Variants in MCPH1 observed in about 807,000 individuals in gnomAD.
The protein encoded by MCPH1 is microcephalin 1.
MCPH1 carries 104 observed loss-of-function variants against 84.5 expected under a neutral mutation model. The observed-to-expected ratio is 1.23, with a 90% confidence interval of 1.05 to 1.45. MCPH1 has a LOEUF of 1.45. Ranked by LOEUF, MCPH1 falls within the 40% of genes most tolerant of loss-of-function variation. The probability of loss-of-function intolerance (pLI) is 0.00; values close to 1 mark genes in which losing one functional copy is unlikely to be tolerated. For missense variants in MCPH1, 1,498 were observed against 1,005.7 expected (o/e 1.49, Z -6.62); for synonymous variants, 514 against 366.8 (o/e 1.40, Z -4.58).
chr8:6,540,006 T>C (rs1342909989), intron 12 of MCPH1, among the ~76,000 whole-genome samples: 1 of 152,140 alleles, frequency 6.6e-6, no homozygotes, highest in Non-Finnish European at 1.5e-5. Context: ...CCAAGATGTA[T>C]TAGGAAATAA....
At position 6,505,348 on chromosome 8, in the gene MCPH1, ATTC is replaced by A. The variant is rs1447495520; in HGVS notation, c.2214+5422_2214+5424del. Among the ~76,000 whole-genome samples, 19 of 50,202 alleles carry A rather than the reference ATTC, an allele frequency of 3.8e-4. 3 individuals are homozygous for A. The highest frequency in any genetic ancestry group is 3.6e-3 in the Admixed American group (19 of 5,334). 32.9% of individuals were successfully genotyped at this position (50,202 alleles called of 152,430 possible). A position where few individuals can be genotyped will look rare whatever the true frequency, so the allele number is the denominator to read the frequency against. On this transcript the variant is annotated intron_variant, in intron 12 of 13. Transcript: ENST00000344683. ...ATATACATATAGAAAGAATATATAT[ATTC>A]TTTCTATATGTATATAGAATATATA...
chr8:6,599,164 G>A (rs1243599010), intron 12 of MCPH1, among the ~76,000 whole-genome samples: 1 of 152,186 alleles, frequency 6.6e-6, no homozygotes, highest in Non-Finnish European at 1.5e-5. Flanking sequence ...CCTAATCTCA[G>A]TATCTTAAAA....
intron 12 of MCPH1, chr8:6,509,042 G>T: frequency 6.2e-7 from 1 of 1,614,060 alleles, no homozygotes; most frequent in South Asian, 1.1e-5. Context: ...GGCTGTCCCT[G>T]TAAGTCCTTT....
chr8:6,481,437 G>A lies in MCPH1; in HGVS notation c.2136+561G>A, dbSNP rs1809229532. Among the ~76,000 whole-genome samples, 3 of 152,164 alleles carry A rather than the reference G, an allele frequency of 2.0e-5. No homozygotes were observed. The South Asian group carries it at 6.2e-4, about 32-fold the overall frequency. ...TTTCGTTATTCATAAAAACTGAAAT[G>A]AACTGTTATTGGTTCTATTATTACT... is the stretch of plus-strand genomic sequence containing the variant. On this transcript the variant is annotated intron_variant, in intron 11 of 13. Transcript: ENST00000344683.
chr8:6,447,520 G>A (rs1463442581), intron 8 of MCPH1: 1 of 686,006 alleles, frequency 1.5e-6, no homozygotes, highest in Non-Finnish European at 1.8e-6. Flanking sequence ...CGGGAACTGA[G>A]CGAGAAACAA....
At position 6,414,860 on chromosome 8, in the gene MCPH1, C is replaced by A; in HGVS notation, c.210C>A (p.Leu70=). The A allele has an allele frequency of 6.2e-7, 1 of 1,613,498 alleles. No individual in the cohort carries two copies. Among genetic ancestry groups the A allele is most frequent in the South Asian group, 1.1e-5 (1 of 91,008 alleles). ...AAGCTCAGAAGAGAGGCGTAAAGCT[C>A]GTTTCGGTGCTCTGGGTGGAAAAGT... is the stretch of plus-strand genomic sequence containing the variant. ...WDKAQKRGVK[L]VSVLWVEKCR... The change falls in exon 3 of 14, where the codon CTC becomes CTA. Residue 70 remains leucine (L), a synonymous_variant. Transcript: ENST00000344683.
chr8:6,524,194 A>C (rs1456919361), intron 12 of MCPH1, among the ~76,000 whole-genome samples: 1 of 152,196 alleles, frequency 6.6e-6, no homozygotes, highest in Admixed American at 6.5e-5. Flanking sequence ...GGGACCTCAT[A>C]TTCCCTTTTT....
At chr8:6,478,799 A>G (rs17077083) in intron 10 of MCPH1, among the ~76,000 whole-genome samples, 19,927 of 152,042 alleles carry the variant, frequency 0.13, 1,409 homozygotes, top group Middle Eastern at 0.24. Flanking sequence ...ATTTTTCTTG[A>G]CTCAAGCACA....
rs145341149 is a variant in MCPH1 at position 6,523,089 on chromosome 8, C to T, written c.2214+23160C>T. ...CTTGGCTCACTGCAACCTTCACCTCCCAGGTTCAAGCTATTCTCCTGCCTC... is the reference window on the plus strand; with the variant it reads ...CTTGGCTCACTGCAACCTTCACCTCTCAGGTTCAAGCTATTCTCCTGCCTC... On this transcript the variant is annotated intron_variant, in intron 12 of 13. Coordinates refer to ENST00000344683, the MANE Select transcript of MCPH1 (RefSeq NM_024596.5). 7.3e-3 allele frequency among the ~76,000 whole-genome samples: 1,106 copies of T among 152,094 alleles called. 23 individuals carry two copies. The highest frequency in any genetic ancestry group is 0.025 in the African/African-American group (1,056 of 41,494).
intron 4 of MCPH1, among the ~76,000 whole-genome samples, 189 bp downstream of exon 4, chr8:6,431,775 G>A (rs552320866): frequency 6.6e-6 from 1 of 152,028 alleles, no homozygotes; most frequent in Admixed American, 6.6e-5. Flanking sequence ...TGACTTCTTC[G>A]ATAGCATTTG....
chr8:6,493,311 G>C (rs1203944265), intron 11 of MCPH1, among the ~76,000 whole-genome samples: 1 of 152,180 alleles, frequency 6.6e-6, no homozygotes, highest in Non-Finnish European at 1.5e-5. Context: ...GGATTAGGTA[G>C]AATGCAAGGA....
chr8:6,542,560 C>T (rs2515486), intron 12 of MCPH1, among the ~76,000 whole-genome samples: 4 of 151,616 alleles, frequency 2.6e-5, no homozygotes, highest in East Asian at 1.9e-4. Context: ...CACCCCATCC[C>T]GCACTCTCAT....
At chr8:6,522,937 C>T (rs1817640923) in intron 12 of MCPH1, among the ~76,000 whole-genome samples, 1 of 152,232 alleles carries the variant, frequency 6.6e-6, no homozygotes, top group South Asian at 2.1e-4. Flanking sequence ...AAAATCTAAC[C>T]AGCGCTATGG....
chr8:6,409,949 G>T (rs2129550871), intron 2 of MCPH1, among the ~76,000 whole-genome samples: 1 of 151,854 alleles, frequency 6.6e-6, no homozygotes, highest in Admixed American at 6.5e-5. Context: ...AAGGAGAAAG[G>T]AAGTGTGGAA....
chr8:6,468,309 C>G (rs1246051198), intron 9 of MCPH1, among the ~76,000 whole-genome samples: 1 of 152,150 alleles, frequency 6.6e-6, no homozygotes, highest in East Asian at 1.9e-4. Context: ...GTCACCTGTG[C>G]ATGCCCCCTA....
At chr8:6,486,571 T>G (rs1809955602) in intron 11 of MCPH1, among the ~76,000 whole-genome samples, 1 of 152,212 alleles carries the variant, frequency 6.6e-6, no homozygotes, top group African/African-American at 2.4e-5. Flanking sequence ...TCAGTTTGAA[T>G]TTTGACTTAA....
chr8:6,425,425 G>T lies in MCPH1; in HGVS notation c.234-6074G>T, dbSNP rs1204576029. Among the ~76,000 whole-genome samples, 4 of 152,300 alleles carry T rather than the reference G, an allele frequency of 2.6e-5. No homozygotes were observed. The East Asian group carries it at 5.8e-4, about 22-fold the overall frequency. On this transcript the variant is annotated intron_variant, in intron 3 of 13. Coordinates refer to ENST00000344683, the MANE Select transcript of MCPH1 (RefSeq NM_024596.5). The stretch of plus-strand genomic sequence containing the variant: ...TGGGTTTCAGTGTAGCAGCTTTAAT[G>T]TGTTACCACGTGTGCTAAAGCATAG...
chr8:6,521,394 C>G, intron 12 of MCPH1: 3 of 1,609,930 alleles, frequency 1.9e-6, no homozygotes, highest in Non-Finnish European at 1.7e-6. Context: ...ATAGCTAGCA[C>G]CTTCTTTTCT....
At chr8:6,456,420 G>A (rs1315417053) in intron 9 of MCPH1, among the ~76,000 whole-genome samples, 2 of 152,174 alleles carry the variant, frequency 1.3e-5, no homozygotes, top group Non-Finnish European at 2.9e-5. Context: ...CAGTTTCTCA[G>A]TCTTCTTCCT....
Sources: gnomAD v4.1 joint callset for allele counts (sites outside exome capture counted in the v4.1 genomes callset) on GRCh38, gnomAD v4.1.1 for gene constraint, MANE v1.5 for transcripts, NCBI Gene and HGNC (gene_info 2026-07-23, HGNC 2026-07-21) for gene names.